HPSE2: variants seen among roughly 807,000 people sequenced by gnomAD.
HPSE2 encodes inactive heparanase-2.
Under a neutral mutation model 60.5 loss-of-function variants are expected in HPSE2, and 38 were observed. The observed-to-expected ratio is 0.63, with a 90% CI of 0.48 to 0.82. The LOEUF is 0.82. Among genes scored for constraint, HPSE2 ranks in the 40% least tolerant of loss-of-function variants. The probability of loss-of-function intolerance (pLI) is 0.00; values close to 1 mark genes in which losing one functional copy is unlikely to be tolerated. For synonymous variants in HPSE2, 295 were observed against 293.2 expected, an observed-to-expected ratio of 1.01 and a Z score of -0.06; for missense variants, 713 against 740.4, an observed-to-expected ratio of 0.96 and a Z score of 0.43.
At chr10:99,139,656 G>A (rs1254768811) in intron 3 of HPSE2, among the ~76,000 whole-genome samples, 1 of 152,006 alleles carries the variant, frequency 6.6e-6, no homozygotes, top group East Asian at 1.9e-4. Flanking sequence ...CACCATTGCA[G>A]GGGCTAGTCT....
intron 6 of HPSE2, among the ~76,000 whole-genome samples, chr10:98,690,526 C>A (rs560510363): frequency 6.6e-6 from 1 of 151,900 alleles, no homozygotes; most frequent in African/African-American, 2.4e-5. Flanking sequence ...GGTGACAGAG[C>A]GAGACTCCAT....
intron 3 of HPSE2, among the ~76,000 whole-genome samples, chr10:99,128,814 C>A (rs1213763240): frequency 6.6e-6 from 1 of 152,088 alleles, no homozygotes; most frequent in South Asian, 2.1e-4. Context: ...TATTCATATC[C>A]TGCACATGTA....
chr10:99,264,426 C>G, the HPSE2 span, among the ~76,000 whole-genome samples: 4 of 152,104 alleles, frequency 2.6e-5, no homozygotes, highest in Non-Finnish European at 4.4e-5. Flanking sequence ...CGAACAATTG[C>G]TGGCTTTGCA....
chr10:98,744,606 T>C (rs994103550), intron 3 of HPSE2, among the ~76,000 whole-genome samples: 4 of 152,012 alleles, frequency 2.6e-5, no homozygotes, highest in African/African-American at 4.8e-5. Context: ...AGGTTGCAAA[T>C]TGGCAACCAA....
intron 9 of HPSE2, among the ~76,000 whole-genome samples, chr10:98,570,343 C>T (rs557750843): frequency 2.4e-4 from 36 of 152,274 alleles, no homozygotes; most frequent in African/African-American, 7.9e-4. Flanking sequence ...CAGCACAATG[C>T]TCTGTACCCA....
At chr10:98,844,003 G>A (rs982521711) in intron 3 of HPSE2, among the ~76,000 whole-genome samples, 4 of 152,118 alleles carry the variant, frequency 2.6e-5, no homozygotes, top group Non-Finnish European at 5.9e-5. Context: ...TGTAAAACAG[G>A]AATTCCCTGA....
intron 3 of HPSE2, among the ~76,000 whole-genome samples, chr10:99,063,322 AAC>A (rs1159112677): frequency 6.6e-6 from 1 of 152,088 alleles, no homozygotes; most frequent in Non-Finnish European, 1.5e-5. Flanking sequence ...AAATACAAAC[AAC>A]ACACACACAG....
chr10:98,749,656 T>G (rs1007817739), intron 3 of HPSE2, among the ~76,000 whole-genome samples: 84 of 151,116 alleles, frequency 5.6e-4, no homozygotes, highest in African/African-American at 1.9e-3. Context: ...TCACTTTCAG[T>G]ATAGTATTCA....
intron 9 of HPSE2, among the ~76,000 whole-genome samples, chr10:98,501,065 CA>C (rs201350803): frequency 1.7e-4 from 25 of 145,096 alleles, no homozygotes; most frequent in African/African-American, 2.5e-4. Context: ...AAATTACCAA[CA>C]AAAAAAAAAG....
At chr10:99,248,923 G>A in the HPSE2 span, among the ~76,000 whole-genome samples, 2 of 152,220 alleles carry the variant, frequency 1.3e-5, no homozygotes, top group Admixed American at 1.3e-4. Flanking sequence ...GTTTTCATGT[G>A]GTGTTAAGCC....
At chr10:99,129,991 C>T (rs928634621) in intron 3 of HPSE2, among the ~76,000 whole-genome samples, 2 of 151,946 alleles carry the variant, frequency 1.3e-5, no homozygotes, top group Non-Finnish European at 2.9e-5. Flanking sequence ...TTCAAGGCTA[C>T]CAGGAACACC....
intron 9 of HPSE2, among the ~76,000 whole-genome samples, chr10:98,554,850 G>A (rs2133860473): frequency 6.6e-6 from 1 of 152,176 alleles, no homozygotes; most frequent in South Asian, 2.1e-4. Context: ...AGACAAAGGG[G>A]TTGCTCTAGA....
At chr10:98,839,000 A>AT (rs2134683785) in intron 3 of HPSE2, among the ~76,000 whole-genome samples, 1 of 152,362 alleles carries the variant, frequency 6.6e-6, no homozygotes, top group Non-Finnish European at 1.5e-5. Context: ...AGAAGTTAAT[A>AT]TAAAACTGTA....
chr10:98,604,147 A>G (rs1328496519), intron 9 of HPSE2, among the ~76,000 whole-genome samples: 5 of 152,236 alleles, frequency 3.3e-5, no homozygotes, highest in Admixed American at 3.3e-4. Context: ...GTTTGAAGAA[A>G]CAGAGCAAAC....
At chr10:98,844,476 T>C (rs1182079399) in intron 3 of HPSE2, among the ~76,000 whole-genome samples, 1 of 152,178 alleles carries the variant, frequency 6.6e-6, no homozygotes, top group African/African-American at 2.4e-5. Flanking sequence ...AGACAGTACA[T>C]TGAAGAATTT....
At chr10:99,131,147 GA>G (rs1321189075) in intron 3 of HPSE2, among the ~76,000 whole-genome samples, 1 of 152,156 alleles carries the variant, frequency 6.6e-6, no homozygotes, top group East Asian at 1.9e-4. Context: ...ATCCCTTTAT[GA>G]TTAAAACACC....
intron 3 of HPSE2, among the ~76,000 whole-genome samples, chr10:98,919,699 T>G (rs1431974632): frequency 6.6e-6 from 1 of 152,186 alleles, no homozygotes; most frequent in Non-Finnish European, 1.5e-5. Flanking sequence ...AACAGAAATC[T>G]GAAGCATTTA....
chr10:98,504,789 C>CAAA (rs60134699), intron 9 of HPSE2, among the ~76,000 whole-genome samples: 2 of 62,006 alleles, frequency 3.2e-5, no homozygotes, highest in Non-Finnish European at 6.6e-5. Flanking sequence ...GACTCCGTCT[C>CAAA]AAAAAAAAAA....
chr10:98,776,994 A>G (rs537641289), intron 3 of HPSE2, among the ~76,000 whole-genome samples: 35 of 152,308 alleles, frequency 2.3e-4, no homozygotes, highest in African/African-American at 8.4e-4. Flanking sequence ...GTAAAATGTA[A>G]ACAATTGATT....
Sources: gnomAD v4.1 joint callset for allele counts (sites outside exome capture counted in the v4.1 genomes callset) on GRCh38, gnomAD v4.1.1 for gene constraint, MANE v1.5 for transcripts, NCBI Gene and HGNC (gene_info 2026-07-23, HGNC 2026-07-21) for gene names.